The following CNTN5 variants were observed in gnomAD, a reference collection of about 807,000 sequenced individuals.
The protein encoded by CNTN5 is contactin 5.
A neutral mutation model predicts 129.1 loss-of-function variants in CNTN5; 77 were observed. The observed-to-expected ratio is 0.60, with a 90% CI of 0.50 to 0.72. CNTN5 has a LOEUF of 0.72. Among genes scored for constraint, CNTN5 ranks in the 30% least tolerant of loss-of-function variants. CNTN5 has a pLI of 0.00. For missense variants in CNTN5, 1,478 were observed against 1,328.8 expected (o/e 1.11, Z -1.75); for synonymous variants, 509 against 465.6 (o/e 1.09, Z -1.20).
At position 100,264,281 on chromosome 11, in the gene CNTN5, A is replaced by C. The variant is rs535584906; in HGVS notation, c.2165-6811A>C. On this transcript the variant is annotated intron_variant, in intron 17 of 24. Coordinates refer to ENST00000524871, the MANE Select transcript of CNTN5 (RefSeq NM_014361.4). ...CATGAGCAGAACGTGCAGGTTTGTT[A>C]CACAGGTATATGGGTGCCATGGTGG... Among the ~76,000 whole-genome samples, 69 of 152,210 alleles carry C rather than the reference A, an allele frequency of 4.5e-4. 2 individuals carry two copies. The highest frequency in any genetic ancestry group is 2.9e-5 in the Non-Finnish European group (2 of 68,002).
intron 6 of CNTN5, among the ~76,000 whole-genome samples, chr11:99,852,673 A>G (rs772088459): frequency 2.9e-4 from 44 of 152,320 alleles, no homozygotes; most frequent in Non-Finnish European, 5.7e-4. Flanking sequence ...ATGACCTGCA[A>G]CAAAATGGTT....
chr11:100,136,194 T>TAAC (rs1565275327), intron 13 of CNTN5, among the ~76,000 whole-genome samples: 1 of 152,128 alleles, frequency 6.6e-6, no homozygotes, highest in Non-Finnish European at 1.5e-5. Context: ...ACCATCAGCA[T>TAAC]AACACTGGTC....
intron 1 of CNTN5, among the ~76,000 whole-genome samples, chr11:99,099,096 G>A (rs1391679836): frequency 6.6e-6 from 1 of 152,046 alleles, no homozygotes; most frequent in Non-Finnish European, 1.5e-5. Flanking sequence ...CTTAAGTAGA[G>A]AATAGGAATT....
chr11:100,087,250 A>T (rs1019469686), intron 13 of CNTN5, among the ~76,000 whole-genome samples: 11 of 151,986 alleles, frequency 7.2e-5, no homozygotes, highest in African/African-American at 2.4e-4. Context: ...TCATTTGATT[A>T]AATGAATAAA....
intron 1 of CNTN5, among the ~76,000 whole-genome samples, chr11:99,179,856 A>C (rs1425063271): frequency 9.2e-5 from 14 of 152,170 alleles, no homozygotes; most frequent in Admixed American, 9.2e-4. Flanking sequence ...TGTTGGGTGT[A>C]AGTGACTTTA....
intron 16 of CNTN5, among the ~76,000 whole-genome samples, chr11:100,254,983 T>A (rs1950037661): frequency 6.6e-6 from 1 of 152,170 alleles, no homozygotes; most frequent in African/African-American, 2.4e-5. Context: ...CAATGGCACA[T>A]TTCTCCTCAA....
chr11:99,215,312 G>C (rs1860059585), intron 1 of CNTN5, among the ~76,000 whole-genome samples: 1 of 152,100 alleles, frequency 6.6e-6, no homozygotes, highest in South Asian at 2.1e-4. Context: ...TTCAAACATG[G>C]AAACACAGAG....
At chr11:99,769,913 T>C (rs1187043373) in intron 3 of CNTN5, among the ~76,000 whole-genome samples, 1 of 152,142 alleles carries the variant, frequency 6.6e-6, no homozygotes, top group East Asian at 1.9e-4. Flanking sequence ...TTGTCAACTA[T>C]TGCAATGCAG....
At chr11:100,338,036 C>T (rs771677820) in intron 21 of CNTN5, among the ~76,000 whole-genome samples, 1 of 152,186 alleles carries the variant, frequency 6.6e-6, no homozygotes, top group African/African-American at 2.4e-5. Context: ...ACCAATAACA[C>T]GCTCCATATA....
At chr11:100,030,917 C>T (rs768350863) in intron 9 of CNTN5, among the ~76,000 whole-genome samples, 1 of 152,032 alleles carries the variant, frequency 6.6e-6, no homozygotes, top group Non-Finnish European at 1.5e-5. Context: ...CCACATTTCC[C>T]AAATACAATT....
At chr11:99,381,884 C>T (rs955648366) in intron 2 of CNTN5, among the ~76,000 whole-genome samples, 9 of 152,092 alleles carry the variant, frequency 5.9e-5, no homozygotes, top group African/African-American at 2.2e-4. Flanking sequence ...CTAAACAGCT[C>T]ACCTGGGTAA....
chr11:100,007,649 GT>G (rs1490903999), intron 9 of CNTN5, among the ~76,000 whole-genome samples: 1 of 152,078 alleles, frequency 6.6e-6, no homozygotes, highest in Non-Finnish European at 1.5e-5. Flanking sequence ...TGTGAGTTAG[GT>G]TTTGGCTTCA....
At chr11:99,371,098 TG>T (rs773455565) in intron 2 of CNTN5, among the ~76,000 whole-genome samples, 40 of 152,300 alleles carry the variant, frequency 2.6e-4, no homozygotes, top group Non-Finnish European at 4.0e-4. Flanking sequence ...CTCATTTGTT[TG>T]TTTTTATGAG....
chr11:99,065,718 T>G (rs1003212643), intron 1 of CNTN5, among the ~76,000 whole-genome samples: 2 of 150,978 alleles, frequency 1.3e-5, no homozygotes, highest in Non-Finnish European at 2.9e-5. Context: ...TGGACAGATA[T>G]ACAAACACAG....
chr11:99,337,476 C>G (rs556018573), intron 2 of CNTN5, among the ~76,000 whole-genome samples: 46 of 152,256 alleles, frequency 3.0e-4, no homozygotes, highest in Non-Finnish European at 6.0e-4. Flanking sequence ...AGGGATAGGC[C>G]GAATTAATTG....
chr11:99,059,228 A>G (rs1864769667), intron 1 of CNTN5, among the ~76,000 whole-genome samples: 1 of 152,000 alleles, frequency 6.6e-6, no homozygotes, highest in African/African-American at 2.4e-5. Flanking sequence ...GTATTTATTT[A>G]CTAAATGGAT....
intron 3 of CNTN5, among the ~76,000 whole-genome samples, chr11:99,622,590 C>A (rs1302034092): frequency 6.6e-6 from 1 of 152,018 alleles, no homozygotes; most frequent in Non-Finnish European, 1.5e-5. Flanking sequence ...GGATCAATCA[C>A]TTTTTCAATG....
At chr11:100,083,298 T>C (rs1194831271) in intron 13 of CNTN5, among the ~76,000 whole-genome samples, 2 of 138,434 alleles carry the variant, frequency 1.4e-5, no homozygotes. Context: ...GCTTGGGCAA[T>C]GAGAGCAAAA....
intron 3 of CNTN5, among the ~76,000 whole-genome samples, chr11:99,797,385 C>T (rs1044550810): frequency 4.3e-4 from 65 of 152,102 alleles, no homozygotes; most frequent in Non-Finnish European, 6.8e-4. Flanking sequence ...TATAAGTGTT[C>T]CCTTTACACT....
Sources: allele counts gnomAD v4.1 joint callset (sites outside exome capture counted in the v4.1 genomes callset), GRCh38; gene constraint gnomAD v4.1.1; transcripts MANE v1.5; gene names NCBI Gene and HGNC (gene_info 2026-07-23, HGNC 2026-07-21).